The following FAM13A variants were observed in gnomAD, a reference collection of about 807,000 sequenced individuals.
FAM13A encodes the protein family with sequence similarity 13 member A, also known as protein FAM13A.
A neutral mutation model predicts 129.6 loss-of-function variants in FAM13A; 76 were observed. The observed-to-expected ratio is 0.59, with a 90% CI of 0.49 to 0.71. FAM13A has a LOEUF of 0.71. FAM13A is among the 30% of genes least tolerant of loss of function. The pLI is 0.00. For synonymous variants in FAM13A, 443 were observed against 449.9 expected (o/e 0.98, Z 0.20); for missense variants, 1,108 against 1,249.3 (o/e 0.89, Z 1.70).
At chr4:88,970,476 T>C (rs936873136) in intron 4 of FAM13A, among the ~76,000 whole-genome samples, 1 of 151,194 alleles carries the variant, frequency 6.6e-6, no homozygotes, top group Non-Finnish European at 1.5e-5. Context: ...AATAATCAGA[T>C]ATATATCAGA....
intron 1 of FAM13A, among the ~76,000 whole-genome samples, chr4:89,049,363 A>C (rs1445534344): frequency 6.6e-6 from 1 of 152,248 alleles, no homozygotes; most frequent in Non-Finnish European, 1.5e-5. Context: ...TTGTTTATAT[A>C]TAGTTTCAGA....
chr4:89,025,520 T>C (rs1366679294), intron 2 of FAM13A, among the ~76,000 whole-genome samples: 2 of 151,916 alleles, frequency 1.3e-5, no homozygotes, highest in African/African-American at 4.8e-5. Flanking sequence ...CGCCTCGGCC[T>C]CCCAAAGTGC....
rs530661409 is a variant in FAM13A at position 88,856,947 on chromosome 4, G to T, written c.844-5764C>A. Among the ~76,000 whole-genome samples the T allele has an allele frequency of 4.6e-5, 7 of 152,152 alleles. No homozygotes were observed. The South Asian group carries it at 6.2e-4, about 14-fold the overall frequency. On this transcript the variant is annotated intron_variant, in intron 6 of 23. Transcript: ENST00000264344. ...CACAAAAACTCCAAATCATAAAAAA[G>T]CCTTTGTTTTTGCTTAAAAAAAGTT...
intron 1 of FAM13A, among the ~76,000 whole-genome samples, chr4:89,049,515 C>T (rs1015457588): frequency 6.6e-6 from 1 of 152,204 alleles, no homozygotes; most frequent in African/African-American, 2.4e-5. Flanking sequence ...AATTTAACCA[C>T]AAAAGTAAAT....
chr4:88,988,964 T>C (rs1187521001), intron 4 of FAM13A, among the ~76,000 whole-genome samples: 1 of 152,144 alleles, frequency 6.6e-6, no homozygotes, highest in Non-Finnish European at 1.5e-5. Flanking sequence ...TCCCAGCACT[T>C]TGGGAGGCGG....
chr4:89,015,302 C>T (rs570039290), intron 3 of FAM13A, among the ~76,000 whole-genome samples: 8 of 152,292 alleles, frequency 5.3e-5, no homozygotes, highest in African/African-American at 9.6e-5. Context: ...TGGTGAAGCA[C>T]GTGATCTCTG....
chr4:88,821,462 T>A (rs948678943), intron 7 of FAM13A, among the ~76,000 whole-genome samples: 1 of 152,234 alleles, frequency 6.6e-6, no homozygotes, highest in African/African-American at 2.4e-5. Flanking sequence ...CAGGAAATAA[T>A]GATGGTTTTA....
In FAM13A at chr4:88,767,553, C is replaced by T; in HGVS notation, c.1578G>A (p.Glu526=). 3 of 1,601,190 alleles carry T rather than the reference C, an allele frequency of 1.9e-6. No individual in the cohort carries two copies. The highest frequency in any genetic ancestry group is 1.8e-5 in the Admixed American group (1 of 55,962). ...TTACTCTTGCTTGTTAGCTACTCAC[C>T]TCAAAATGCTGAGTGTGTCCACCAT... The part of the protein sequence containing the change: ...EKDGGHTQHF[E]SPTMKIQEHP... Residue 526 remains glutamate (E), a splice_region_variant and synonymous_variant, in exon 13 of 24, where the codon GAG becomes GAA. Transcript: ENST00000264344.
Position 88,806,783 on chromosome 4 carries a change from A to G in FAM13A, c.1008-1731T>C, listed in dbSNP as rs185052392. 6.6e-5 allele frequency among the ~76,000 whole-genome samples: 10 copies of G among 152,292 alleles called. No individual in the cohort carries two copies. The East Asian group carries it at 1.9e-3, about 29-fold the overall frequency. On this transcript the variant is annotated intron_variant, in intron 7 of 23. Coordinates refer to ENST00000264344, the MANE Select transcript of FAM13A (RefSeq NM_014883.4). ...GAGTAAGAGGGGACAACACCTGGGA[A>G]ATGTCCAGGTGTCCAGGAAGAAACC...
intron 4 of FAM13A, among the ~76,000 whole-genome samples, chr4:88,957,450 A>G (rs570921129): frequency 6.6e-6 from 1 of 152,302 alleles, no homozygotes; most frequent in South Asian, 2.1e-4. Context: ...CATATTTCCT[A>G]TAGAACTTGC....
chr4:88,772,230 T>G (rs185469847), intron 11 of FAM13A, among the ~76,000 whole-genome samples: 1 of 152,338 alleles, frequency 6.6e-6, no homozygotes, highest in Non-Finnish European at 1.5e-5. Flanking sequence ...GAATATTTGA[T>G]AGAGTCTCGT....
rs140292714 is a variant in FAM13A, at chr4:88,873,604, C to T, written c.844-22421G>A. On this transcript the variant is annotated intron_variant, in intron 6 of 23. Coordinates refer to ENST00000264344, the MANE Select transcript of FAM13A (RefSeq NM_014883.4). ...AGACTAACCCAGGAAGAAGTTGAAT[C>T]GCTGAATAGACCAATAACAGCCTCT... Among the ~76,000 whole-genome samples the T allele has an allele frequency of 8.3e-3, 1,256 of 152,234 alleles. 8 individuals carry two copies. The highest frequency in any genetic ancestry group is 0.013 in the Non-Finnish European group (851 of 68,016).
rs1286341925 is a variant in FAM13A at position 88,946,002 on chromosome 4, A to ATGTG, written c.606-7762_606-7761insCACA. On this transcript the variant is annotated intron_variant, in intron 4 of 23. Coordinates refer to ENST00000264344, the MANE Select transcript of FAM13A (RefSeq NM_014883.4). The stretch of plus-strand genomic sequence containing the variant: ...TGTGTGTGTGTGTGTATATATATAT[A>ATGTG]TATATATATATATATATATATGTAA... Among the ~76,000 whole-genome samples, 136 of 60,572 alleles carry ATGTG rather than the reference A, an allele frequency of 2.2e-3. 3 individuals are homozygous for ATGTG. The highest frequency in any genetic ancestry group is 3.3e-3 in the Non-Finnish European group (97 of 29,252). 39.7% of individuals were successfully genotyped at this position (60,572 alleles called of 152,430 possible).
chr4:88,923,831 A>G (rs905933354), intron 5 of FAM13A, among the ~76,000 whole-genome samples: 13 of 152,290 alleles, frequency 8.5e-5, no homozygotes, highest in African/African-American at 2.9e-4. Context: ...AATCTCCTTA[A>G]GCTGATAAGC....
chr4:88,992,275 T>C (rs1303051579), intron 3 of FAM13A, among the ~76,000 whole-genome samples: 1 of 14,040 alleles, frequency 7.1e-5, no homozygotes, highest in Non-Finnish European at 1.3e-4. Flanking sequence ...TTCTTCTTCT[T>C]TTTTTTTTTT....
At position 88,728,628 on chromosome 4, in the gene FAM13A, C is replaced by T. The variant is rs1245777254; in HGVS notation, c.2977G>A (p.Ala993Thr). The change falls in exon 24 of 24, where the codon GCT becomes ACT. Residue 993 changes from alanine (A) to threonine (T), a missense_variant. By Grantham distance (58) the Ala-to-Thr change is moderately conservative (BLOSUM62 0). This residue lies in a region of FAM13A where 529 missense variants were observed against 621.2 expected (regional missense o/e 0.85). Coordinates refer to ENST00000264344, the MANE Select transcript of FAM13A (RefSeq NM_014883.4). The stretch of plus-strand genomic sequence containing the variant: ...TGCTTATATTCACTGTATTCTTCAG[C>T]CATAGGAGTGCGGTCTTCCTTCTGG... ...NVQKEDRTPM[A>T]EEYSEYKHIK... 2 of 1,614,038 alleles carry T rather than the reference C, an allele frequency of 1.2e-6. No individual in the cohort carries two copies. Among genetic ancestry groups the T allele is most frequent in the African/African-American group, 1.3e-5 (1 of 74,922 alleles).
chr4:88,905,028 G>A lies in FAM13A; in HGVS notation c.843+1351C>T, dbSNP rs76464368. On this transcript the variant is annotated intron_variant, in intron 6 of 23. Coordinates refer to ENST00000264344, the MANE Select transcript of FAM13A (RefSeq NM_014883.4). ...ATTACAGCTGAACATTTTACTTTACGCCCAGAAGGGAAAATGCATCTCATG... is the reference window on the plus strand; with the variant it reads ...ATTACAGCTGAACATTTTACTTTACACCCAGAAGGGAAAATGCATCTCATG... Among the ~76,000 whole-genome samples, 1,293 of 152,004 alleles carry A rather than the reference G, an allele frequency of 8.5e-3. 55 individuals are homozygous for A. Among genetic ancestry groups the A allele is most frequent in the Admixed American group, 0.071 (1,086 of 15,264 alleles).
intron 6 of FAM13A, among the ~76,000 whole-genome samples, chr4:88,882,206 G>C (rs551991148): frequency 1.3e-5 from 2 of 152,100 alleles, no homozygotes; most frequent in Admixed American, 1.3e-4. Flanking sequence ...CAGGATGAAG[G>C]AAAGAAAATT....
At chr4:88,974,830 A>G (rs1385762045) in intron 4 of FAM13A, among the ~76,000 whole-genome samples, 1 of 152,142 alleles carries the variant, frequency 6.6e-6, no homozygotes, top group Non-Finnish European at 1.5e-5. Flanking sequence ...AGAGTTAGGT[A>G]AGTTTGAATG....
Sources: allele counts gnomAD v4.1 joint callset (sites outside exome capture counted in the v4.1 genomes callset), GRCh38; gene constraint gnomAD v4.1.1; regional missense constraint gnomAD v4.1.1; transcripts MANE v1.5; gene names NCBI Gene and HGNC (gene_info 2026-07-23, HGNC 2026-07-21).